The following BTF3 variants were observed in gnomAD, a reference collection of about 807,000 sequenced individuals.
BTF3 encodes basic transcription factor 3.
In BTF3, 12 loss-of-function variants were observed where a neutral mutation model predicts 23.9. The observed-to-expected ratio is 0.50, with a 90% CI of 0.32 to 0.81. The LOEUF (loss-of-function observed/expected upper bound fraction) is 0.81. Among genes scored for constraint, BTF3 ranks in the 40% least tolerant of loss-of-function variants. The probability of loss-of-function intolerance (pLI) is 0.03; values close to 1 mark genes in which losing one functional copy is unlikely to be tolerated. For synonymous variants in BTF3, 96 were observed against 94.8 expected (o/e 1.01, Z -0.07); for missense variants, 215 against 255.9 (o/e 0.84, Z 1.09).
chr5:73,500,765 A>AT (rs1451089959), intron 2 of BTF3, among the ~76,000 whole-genome samples: 1 of 152,172 alleles, frequency 6.6e-6, no homozygotes, highest in Non-Finnish European at 1.5e-5. Flanking sequence ...AACTCTACAT[A>AT]TGTGAAGTGT....
At chr5:73,503,202 AT>A in intron 4 of BTF3, 85 bp downstream of exon 4, 1 of 1,394,738 alleles carries the variant, frequency 7.2e-7, no homozygotes, top group Non-Finnish European at 9.9e-7. Context: ...GGATATGAGT[AT>A]TTTTAAGTTT....
At position 73,503,249 on chromosome 5, in the gene BTF3, T is replaced by C. The variant is rs1055598002; in HGVS notation, c.517+132T>C. 3 of 937,830 alleles carry C rather than the reference T, an allele frequency of 3.2e-6. No homozygotes were observed. The African/African-American group carries it at 4.9e-5, about 15-fold the overall frequency. The allele number at this position is 937,830 out of a possible 1,614,324, so 58.1% of individuals were successfully genotyped here. A position where few individuals can be genotyped will look rare whatever the true frequency, so the allele number is the denominator to read the frequency against. ...GCTTTAAAAATAACAGATTTGTAACTGATTTTAAGCAACTGTCCTTGCTCA... is the reference window on the plus strand; with the variant it reads ...GCTTTAAAAATAACAGATTTGTAACCGATTTTAAGCAACTGTCCTTGCTCA... On this transcript the variant is annotated intron_variant, in intron 4 of 5. Coordinates refer to ENST00000380591, the MANE Select transcript of BTF3 (RefSeq NM_001037637.2).
chr5:73,499,436 G>A (rs538022249), intron 2 of BTF3: 2 of 598,566 alleles, frequency 3.3e-6, no homozygotes, highest in East Asian at 3.1e-5. Flanking sequence ...GTGTTACAGA[G>A]TGTAAGTAGA....
At chr5:73,498,886 G>A in intron 1 of BTF3, 87 bp downstream of exon 1, 1 of 1,478,850 alleles carries the variant, frequency 6.8e-7, no homozygotes. Flanking sequence ...GGGGGTGCTG[G>A]CCAGGCGTGG....
At position 73,498,604 on chromosome 5, in the gene BTF3, G is replaced by A; in HGVS notation, c.-64G>A. 1 of 1,422,052 alleles carries A rather than the reference G, an allele frequency of 7.0e-7. No individual in the cohort carries two copies. Among genetic ancestry groups the A allele is most frequent in the Middle Eastern group, 1.9e-4 (1 of 5,256 alleles). The allele number at this position is 1,422,052 out of a possible 1,614,324, so 88.1% of individuals were successfully genotyped here. ...GCGGCGTGGTAGGAGGACGGGAGCGGGGGCGGGAAGTTCCCTGAAGGAGCG... is the reference window on the plus strand; with the variant it reads ...GCGGCGTGGTAGGAGGACGGGAGCGAGGGCGGGAAGTTCCCTGAAGGAGCG... On this transcript the variant is annotated 5_prime_UTR_variant, in exon 1 of 6. Transcript: ENST00000380591.
At chr5:73,498,929 G>C (rs1189727219) in intron 1 of BTF3, 130 bp downstream of exon 1, 9 of 1,327,660 alleles carry the variant, frequency 6.8e-6, no homozygotes, top group Non-Finnish European at 7.8e-6. Context: ...TGCCAAGAGC[G>C]GGGAGCTGTG....
chr5:73,500,908 T>C (rs376399095), intron 2 of BTF3, among the ~76,000 whole-genome samples: 1 of 151,904 alleles, frequency 6.6e-6, no homozygotes, highest in Non-Finnish European at 1.5e-5. Flanking sequence ...CTTAATAGTT[T>C]GGAGAGGTTA....
chr5:73,498,602 CG>C lies in BTF3; in HGVS notation c.-61del. On this transcript the variant is annotated 5_prime_UTR_variant, in exon 1 of 6. Coordinates refer to ENST00000380591, the MANE Select transcript of BTF3 (RefSeq NM_001037637.2). ...CGGCGGCGTGGTAGGAGGACGGGAG[CG>C]GGGGCGGGAAGTTCCCTGAAGGAGC... 2 of 1,418,276 alleles carry C rather than the reference CG, an allele frequency of 1.4e-6. No individual in the cohort carries two copies. The allele number at this position is 1,418,276 out of a possible 1,614,324, so 87.9% of individuals were successfully genotyped here.
At chr5:73,502,831 A>G in intron 3 of BTF3, 85 bp from the exon 4 acceptor site, 1 of 1,362,830 alleles carries the variant, frequency 7.3e-7, no homozygotes, top group Non-Finnish European at 1.0e-6. Flanking sequence ...GTGAAATACT[A>G]GTTAGCCAGA....
At position 73,499,167 on chromosome 5, in the gene BTF3, G is replaced by T; in HGVS notation, c.166G>T (p.Ala56Ser). Residue 56 changes from alanine (A) to serine (S), a missense_variant, in exon 2 of 6, where the codon GCC becomes TCC. This residue lies in a region of BTF3 where 116 missense variants were observed against 84.7 expected (regional missense o/e 1.37). Coordinates refer to ENST00000380591, the MANE Select transcript of BTF3 (RefSeq NM_001037637.2). ...KETIMNQEKL[A>S]KLQAQVRIGG... The stretch of plus-strand genomic sequence containing the variant: ...AACAATCATGAACCAGGAAAAACTC[G>T]CCAAACTGCAGGCACAAGTGCGCAT... 1.9e-6 allele frequency: 3 copies of T among 1,612,706 alleles called. No individual in the cohort carries two copies. Among genetic ancestry groups the T allele is most frequent in the Non-Finnish European group, 2.5e-6 (3 of 1,179,786 alleles).
chr5:73,505,055 A>ATTT, intron 5 of BTF3, 137 bp from the exon 6 acceptor site: 1 of 490,538 alleles, frequency 2.0e-6, no homozygotes, highest in Non-Finnish European at 3.3e-6. Context: ...TTTTTTTTGC[A>ATTT]TTCTTGTTCT....
intron 5 of BTF3, 148 bp downstream of exon 5, chr5:73,504,551 G>A: frequency 1.8e-6 from 1 of 540,886 alleles, no homozygotes; most frequent in Non-Finnish European, 3.2e-6. Flanking sequence ...GCAGTATTAG[G>A]TAATTGAGAA....
intron 2 of BTF3, among the ~76,000 whole-genome samples, chr5:73,501,767 CT>C (rs1006575111): frequency 6.6e-6 from 1 of 152,140 alleles, no homozygotes; most frequent in African/African-American, 2.4e-5. Flanking sequence ...GGGCTTCAGA[CT>C]TTACTATCGA....
In BTF3 at chr5:73,498,462, G is replaced by C. The variant is rs1232819647; in HGVS notation, c.-206G>C. On this transcript the variant is annotated 5_prime_UTR_variant, in exon 1 of 6. Transcript: ENST00000380591. ...GGCCTCCCTTTAGCTGCCATCTTGC[G>C]TCCCCGCGTGTGTGCGCCTAATCTC... 1 of 597,324 alleles carries C rather than the reference G, an allele frequency of 1.7e-6. No homozygotes were observed. The highest frequency in any genetic ancestry group is 3.5e-5 in the East Asian group (1 of 28,330). 37.0% of individuals were successfully genotyped at this position (597,324 alleles called of 1,614,324 possible).
At chr5:73,502,710 T>G in intron 3 of BTF3, 109 bp downstream of exon 3, 1 of 853,174 alleles carries the variant, frequency 1.2e-6, no homozygotes, top group Non-Finnish European at 1.8e-6. Flanking sequence ...GACTTCAAAG[T>G]CCCTAAGATG....
rs548916675 is a variant in BTF3, at chr5:73,505,345, A to G, written c.*107A>G. ...TTTGTTTATGGATCTGATAAAATCT[A>G]GATCTCTAATATTTTTAAGCCCAAG... is the stretch of plus-strand genomic sequence containing the variant. On this transcript the variant is annotated 3_prime_UTR_variant, in exon 6 of 6. Coordinates refer to ENST00000380591, the MANE Select transcript of BTF3 (RefSeq NM_001037637.2). The G allele has an allele frequency of 3.3e-5, 33 of 987,722 alleles. No homozygotes were observed. In the East Asian group the frequency reaches 4.6e-4, roughly 14 times the overall value. 61.2% of individuals were successfully genotyped at this position (987,722 alleles called of 1,614,324 possible). A position where few individuals can be genotyped will look rare whatever the true frequency, so the allele number is the denominator to read the frequency against.
intron 2 of BTF3, 74 bp from the exon 3 acceptor site, chr5:73,502,414 A>T: frequency 9.4e-7 from 1 of 1,059,952 alleles, no homozygotes; most frequent in Non-Finnish European, 1.4e-6. Flanking sequence ...AATGAATTGG[A>T]AACTATTCCC....
chr5:73,499,430 TAC>T (rs1262935855), intron 2 of BTF3: 4 of 628,086 alleles, frequency 6.4e-6, no homozygotes, highest in East Asian at 3.0e-5. Context: ...TTTTCAGTGT[TAC>T]AGAGTGTAAG....
At chr5:73,502,272 G>A (rs1210085831) in intron 2 of BTF3, among the ~76,000 whole-genome samples, 1 of 151,520 alleles carries the variant, frequency 6.6e-6, no homozygotes, top group Non-Finnish European at 1.5e-5. Flanking sequence ...TAGAGCAAAT[G>A]TAAAAAGTAG....
Sources: gnomAD v4.1 joint callset for allele counts (sites outside exome capture counted in the v4.1 genomes callset) on GRCh38, gnomAD v4.1.1 for gene constraint, gnomAD v4.1.1 regional missense constraint, MANE v1.5 for transcripts, NCBI Gene and HGNC (gene_info 2026-07-23, HGNC 2026-07-21) for gene names.